Variants in CEP128 observed in about 807,000 individuals in gnomAD.
CEP128 encodes the protein centrosomal protein 128.
Under a neutral mutation model 156.7 loss-of-function variants are expected in CEP128, and 132 were observed. That is an observed-to-expected ratio of 0.84 (90% confidence interval 0.73 to 0.97). CEP128 has a LOEUF of 0.97. Ranked by LOEUF, CEP128 falls within the 50% of genes least tolerant of loss-of-function variation. The pLI, the probability that CEP128 is intolerant of heterozygous loss-of-function variation, is 0.00. For missense variants in CEP128, 1,252 were observed against 1,281.9 expected, an observed-to-expected ratio of 0.98 and a Z score of 0.36; for synonymous variants, 469 against 448.9, an observed-to-expected ratio of 1.04 and a Z score of -0.57.
At chr14:80,740,331 A>G (rs1898747776) in intron 19 of CEP128, among the ~76,000 whole-genome samples, 2 of 152,058 alleles carry the variant, frequency 1.3e-5, no homozygotes, top group South Asian at 4.1e-4. Flanking sequence ...ACATTTCTCA[A>G]TTGTGTGCCT....
At chr14:80,746,558 C>G (rs1321135593) in intron 18 of CEP128, among the ~76,000 whole-genome samples, 1 of 151,968 alleles carries the variant, frequency 6.6e-6, no homozygotes, top group Non-Finnish European at 1.5e-5. Flanking sequence ...TCATTTATAC[C>G]CCTACTTCAC....
At chr14:80,549,396 G>A (rs1890120729) in intron 21 of CEP128, among the ~76,000 whole-genome samples, 1 of 152,156 alleles carries the variant, frequency 6.6e-6, no homozygotes. Flanking sequence ...ACCTGATTCT[G>A]GGTCAAAACT....
At chr14:80,868,198 A>AAATT (rs1395870043) in intron 8 of CEP128, among the ~76,000 whole-genome samples, 2 of 152,312 alleles carry the variant, frequency 1.3e-5, no homozygotes, top group East Asian at 3.9e-4. Flanking sequence ...TGAAAGCATA[A>AAATT]AATTCACTGT....
chr14:80,562,548 G>C (rs971124769), intron 20 of CEP128, among the ~76,000 whole-genome samples: 9 of 151,170 alleles, frequency 6.0e-5, no homozygotes, highest in Non-Finnish European at 7.4e-5. Context: ...GGTTGACACT[G>C]TTTTTGGTAA....
chr14:80,954,493 T>A (rs1886554406), intron 2 of CEP128, among the ~76,000 whole-genome samples: 1 of 152,184 alleles, frequency 6.6e-6, no homozygotes, highest in African/African-American at 2.4e-5. Context: ...AATGTATACA[T>A]CCACTTAACC....
At chr14:80,649,258 C>T (rs1005218581) in intron 19 of CEP128, among the ~76,000 whole-genome samples, 4 of 152,120 alleles carry the variant, frequency 2.6e-5, no homozygotes, top group Admixed American at 6.6e-5. Flanking sequence ...CTCTTCCCCA[C>T]CCCTCCTTAA....
At chr14:80,951,121 G>T (rs927370136) in intron 2 of CEP128, among the ~76,000 whole-genome samples, 1 of 151,900 alleles carries the variant, frequency 6.6e-6, no homozygotes, top group African/African-American at 2.4e-5. Flanking sequence ...AGAAAAGCTG[G>T]AATAATTTAT....
chr14:80,775,462 A>G (rs1566907110), intron 16 of CEP128, among the ~76,000 whole-genome samples: 2 of 152,250 alleles, frequency 1.3e-5, no homozygotes, highest in African/African-American at 4.8e-5. Context: ...TAAACTACAT[A>G]TAATATAAGC....
chr14:80,752,142 G>A (rs1364867662), intron 18 of CEP128, among the ~76,000 whole-genome samples: 1 of 152,076 alleles, frequency 6.6e-6, no homozygotes, highest in African/African-American at 2.4e-5. Context: ...AAAGATTATA[G>A]CTTATAAAGG....
chr14:80,776,187 A>C (rs898030994), intron 16 of CEP128, among the ~76,000 whole-genome samples: 2 of 152,034 alleles, frequency 1.3e-5, no homozygotes, highest in African/African-American at 4.8e-5. Flanking sequence ...GCAGCTATGG[A>C]AATATAAAAC....
At chr14:80,797,518 T>C (rs1299942109) in intron 13 of CEP128, among the ~76,000 whole-genome samples, 1 of 152,200 alleles carries the variant, frequency 6.6e-6, no homozygotes, top group African/African-American at 2.4e-5. Flanking sequence ...GCCTGTGTTA[T>C]GTTTCAGGTA....
In CEP128 at chr14:80,788,288, C is replaced by CTTT. The variant is rs10628361; in HGVS notation, c.1561-2746_1561-2744dup. On this transcript the variant is annotated intron_variant, in intron 14 of 24. Transcript: ENST00000555265. ...TGGGTTCTCTTTGTCTGGCCAGGATCTTTTTTTTTTTTTTTTTTTTTTCTG... is the reference window on the plus strand; with the variant it reads ...TGGGTTCTCTTTGTCTGGCCAGGATCTTTTTTTTTTTTTTTTTTTTTTTTTCTG... 6.1e-3 allele frequency among the ~76,000 whole-genome samples: 594 copies of CTTT among 97,196 alleles called. 34 individuals are homozygous for CTTT. The highest frequency in any genetic ancestry group is 9.5e-3 in the African/African-American group (241 of 25,324). 63.8% of individuals were successfully genotyped at this position (97,196 alleles called of 152,430 possible).
chr14:80,936,130 C>T (rs1009363388), intron 2 of CEP128, among the ~76,000 whole-genome samples: 3 of 152,182 alleles, frequency 2.0e-5, no homozygotes, highest in Admixed American at 1.3e-4. Flanking sequence ...TAAAGCTCAT[C>T]CATTCATTCA....
At chr14:80,529,361 CTG>C (rs1889121901) in intron 22 of CEP128, among the ~76,000 whole-genome samples, 1 of 152,144 alleles carries the variant, frequency 6.6e-6, no homozygotes, top group African/African-American at 2.4e-5. Context: ...ATATGTGAGT[CTG>C]TATGTATATG....
intron 21 of CEP128, among the ~76,000 whole-genome samples, chr14:80,541,825 G>A (rs79028608): frequency 6.6e-6 from 1 of 152,114 alleles, no homozygotes; most frequent in Non-Finnish European, 1.5e-5. Context: ...GACTGGGCTT[G>A]GTCAATACCT....
rs756259082 is a variant in CEP128 at position 80,916,460 on chromosome 14, G to C, written c.88C>G (p.Arg30Gly). 1.9e-6 allele frequency: 3 copies of C among 1,613,994 alleles called. No homozygotes were observed. The African/African-American group carries it at 4.0e-5, about 22-fold the overall frequency. The change falls in exon 3 of 25, where the codon CGA (arginine) becomes GGA (glycine). Residue 30 changes from arginine to glycine, a missense_variant. Coordinates refer to ENST00000555265, the MANE Select transcript of CEP128 (RefSeq NM_152446.5). ...WAARSTHRGT[R>G]SLPTVEVTEK... ...GTAACTTCTACTGTAGGAAGACTTC[G>C]AGTTCCCCTGTGCGTTGATCTGGCA...
chr14:80,740,499 TAG>T (rs1898765175), intron 19 of CEP128, among the ~76,000 whole-genome samples: 1 of 40,768 alleles, frequency 2.5e-5, no homozygotes, highest in African/African-American at 9.0e-5. Context: ...TATATCTAGA[TAG>T]ATAGATAGAT....
chr14:80,612,373 T>A (rs1250226598), intron 19 of CEP128, among the ~76,000 whole-genome samples: 3 of 152,238 alleles, frequency 2.0e-5, no homozygotes, highest in African/African-American at 7.2e-5. Context: ...TCTATTCTAA[T>A]ATTAGGAATA....
chr14:80,817,475 A>T (rs1038675858), intron 13 of CEP128, among the ~76,000 whole-genome samples: 3 of 152,198 alleles, frequency 2.0e-5, no homozygotes, highest in Non-Finnish European at 2.9e-5. Context: ...AAAGAAAAAC[A>T]TTTTTTTAAA....
Sources: allele counts gnomAD v4.1 joint callset (sites outside exome capture counted in the v4.1 genomes callset), GRCh38; gene constraint gnomAD v4.1.1; transcripts MANE v1.5; gene names NCBI Gene and HGNC (gene_info 2026-07-23, HGNC 2026-07-21).